Variants in EBF2 observed in about 807,000 individuals in gnomAD.
EBF2 encodes the protein EBF transcription factor 2.
EBF2 carries 21 observed loss-of-function variants against 72.8 expected under a neutral mutation model. The observed-to-expected ratio is 0.29, with a 90% confidence interval of 0.20 to 0.42. EBF2 has a LOEUF of 0.42. EBF2 is among the 10% of genes least tolerant of loss of function. The probability of loss-of-function intolerance (pLI) is 1.00; values close to 1 mark genes in which losing one functional copy is unlikely to be tolerated. For missense variants in EBF2, 637 were observed against 731.2 expected (o/e 0.87, Z 1.49); for synonymous variants, 299 against 274.2 (o/e 1.09, Z -0.89).
chr8:25,923,036 C>G (rs1803331112), intron 6 of EBF2, among the ~76,000 whole-genome samples: 1 of 152,060 alleles, frequency 6.6e-6, no homozygotes, highest in South Asian at 2.1e-4. Context: ...TCAGAGGCCA[C>G]AGAGCCTGTT....
intron 6 of EBF2, chr8:26,032,868 A>T (rs1805432305): frequency 3.6e-6 from 2 of 559,440 alleles, no homozygotes; most frequent in Non-Finnish European, 6.4e-6. Context: ...TGCACCTGGA[A>T]AAGACTCCAC....
In EBF2 at chr8:25,886,790, A is replaced by T; in HGVS notation, c.974T>A (p.Phe325Tyr). ...GAACCTTCCTGGGGCTCCTTTGCAG[A>T]ACTGTTTAGATTTATAAGATAATGT... is the stretch of plus-strand genomic sequence containing the variant. ...EVTLSYKSKQ[F>Y]CKGAPGRFIY... Residue 325 changes from phenylalanine (F) to tyrosine (Y), a missense_variant, in exon 10 of 16, where the codon TTC (phenylalanine) becomes TAC (tyrosine). By Grantham distance (22) the Phe-to-Tyr change is conservative. Transcript: ENST00000520164. 1.2e-6 allele frequency: 2 copies of T among 1,611,920 alleles called. No individual in the cohort carries two copies. The highest frequency in any genetic ancestry group is 2.2e-5 in the South Asian group (2 of 90,450).
In EBF2 at chr8:25,940,590, T is replaced by A. The variant is rs1280328731; in HGVS notation, c.552-32035A>T. Among the ~76,000 whole-genome samples, 12 of 150,068 alleles carry A rather than the reference T, an allele frequency of 8.0e-5. No individual in the cohort carries two copies. The Admixed American group carries it at 8.1e-4, about 10-fold the overall frequency. ...CCTCTGTGATCATTTCCTTCCATCT[T>A]CATTTTACCAAAAAATAAAAATGAA... On this transcript the variant is annotated intron_variant, in intron 6 of 15. Coordinates refer to ENST00000520164, the MANE Select transcript of EBF2 (RefSeq NM_022659.4).
intron 6 of EBF2, among the ~76,000 whole-genome samples, chr8:25,925,534 C>A (rs986659759): frequency 6.6e-6 from 1 of 152,158 alleles, no homozygotes; most frequent in Admixed American, 6.5e-5. Context: ...ATGCTCTCAC[C>A]CCCCAACCCA....
At chr8:25,863,078 A>G (rs972137983) in intron 10 of EBF2, among the ~76,000 whole-genome samples, 3 of 152,072 alleles carry the variant, frequency 2.0e-5, no homozygotes, top group East Asian at 3.8e-4. Context: ...TTAAGCAACC[A>G]TATCTCAATT....
chr8:25,909,391 C>A (rs1308790564), intron 6 of EBF2, among the ~76,000 whole-genome samples: 1 of 141,444 alleles, frequency 7.1e-6, no homozygotes, highest in African/African-American at 2.6e-5. Flanking sequence ...ATTTCACTTG[C>A]AGAGTCCTTT....
chr8:26,010,719 T>A (rs1354964612), intron 6 of EBF2, among the ~76,000 whole-genome samples: 5 of 152,246 alleles, frequency 3.3e-5, no homozygotes, highest in African/African-American at 1.2e-4. Flanking sequence ...GTTATTTATT[T>A]ATTTATGACA....
At chr8:25,865,683 C>T (rs113238003) in intron 10 of EBF2, among the ~76,000 whole-genome samples, 7,947 of 151,480 alleles carry the variant, frequency 0.052, 727 homozygotes, top group African/African-American at 0.18. Context: ...GCCTTGGCCT[C>T]CCAGAGTGCT....
chr8:26,017,154 TA>T (rs760786092), intron 6 of EBF2, among the ~76,000 whole-genome samples: 2,678 of 139,244 alleles, frequency 0.019, 28 homozygotes, highest in African/African-American at 0.036. Context: ...TCCCCTTATT[TA>T]AAAAAAAAAA....
chr8:25,955,737 T>C (rs1208931435), intron 6 of EBF2, among the ~76,000 whole-genome samples: 1 of 151,826 alleles, frequency 6.6e-6, no homozygotes, highest in Non-Finnish European at 1.5e-5. Flanking sequence ...GGGGCACTTG[T>C]CCCTAACTGC....
intron 7 of EBF2, among the ~76,000 whole-genome samples, chr8:25,891,234 G>T (rs535601958): frequency 2.2e-4 from 34 of 152,246 alleles, no homozygotes; most frequent in African/African-American, 7.9e-4. Context: ...CAAAGAGGTG[G>T]ATATCAGCAA....
At chr8:25,999,731 CTCTT>C (rs1448222599) in intron 6 of EBF2, among the ~76,000 whole-genome samples, 4 of 151,368 alleles carry the variant, frequency 2.6e-5, no homozygotes, top group Admixed American at 6.6e-5. Flanking sequence ...CTTCCATTTT[CTCTT>C]TCTATCGTCG....
intron 6 of EBF2, among the ~76,000 whole-genome samples, chr8:25,920,970 C>T (rs1026465297): frequency 1.3e-5 from 2 of 151,942 alleles, no homozygotes; most frequent in African/African-American, 2.4e-5. Flanking sequence ...ATAGAGAAAC[C>T]GAGATGGTAA....
chr8:25,916,095 A>G (rs1803209237), intron 6 of EBF2, among the ~76,000 whole-genome samples: 1 of 151,960 alleles, frequency 6.6e-6, no homozygotes, highest in Admixed American at 6.6e-5. Flanking sequence ...AGACCAGCCT[A>G]GTCAACATGG....
chr8:25,957,580 C>A (rs969446663), intron 6 of EBF2, among the ~76,000 whole-genome samples: 18 of 152,166 alleles, frequency 1.2e-4, no homozygotes, highest in Non-Finnish European at 2.2e-4. Flanking sequence ...TAGAGGGGAC[C>A]AGCCAGGTGC....
At chr8:25,875,010 T>C (rs1364682968) in intron 10 of EBF2, among the ~76,000 whole-genome samples, 5 of 152,072 alleles carry the variant, frequency 3.3e-5, no homozygotes, top group Admixed American at 3.3e-4. Flanking sequence ...CCTGCTTCCT[T>C]GTGACCCCCT....
At position 26,029,910 on chromosome 8, in the gene EBF2, C is replaced by T. The variant is rs561049125; in HGVS notation, c.551+3175G>A. On this transcript the variant is annotated intron_variant, in intron 6 of 15. Coordinates refer to ENST00000520164, the MANE Select transcript of EBF2 (RefSeq NM_022659.4). Reference sequence around the variant, plus strand: ...ACAAATGGAAACCTGACTTTATGCCCTTTTTTTTCTTTTCTTTTCTGAGAC... The same window carrying T: ...ACAAATGGAAACCTGACTTTATGCCTTTTTTTTTCTTTTCTTTTCTGAGAC... 3.9e-5 allele frequency among the ~76,000 whole-genome samples: 6 copies of T among 152,100 alleles called. No individual in the cohort carries two copies. The South Asian group carries it at 1.0e-3, about 26-fold the overall frequency.
rs1265092710 is a variant in EBF2 at position 25,976,394 on chromosome 8, C to CAAACTACATTTTGAACAG, written c.551+56690_551+56691insCTGTTCAAAATGTAGTTT. Among the ~76,000 whole-genome samples, 3 of 152,278 alleles carry CAAACTACATTTTGAACAG rather than the reference C, an allele frequency of 2.0e-5. No homozygotes were observed. The East Asian group carries it at 5.8e-4, about 29-fold the overall frequency. ...AACTTCCATAATATTTTGTAGTCCC[C>CAAACTACATTTTGAACAG]TATAGAACCCAAACTACCATTCACC... On this transcript the variant is annotated intron_variant, in intron 6 of 15. Transcript: ENST00000520164.
intron 7 of EBF2, among the ~76,000 whole-genome samples, chr8:25,890,895 T>C (rs1802766671): frequency 6.6e-6 from 1 of 152,202 alleles, no homozygotes. Context: ...CTGTAATACA[T>C]ATAAAGGATT....
Sources: gnomAD v4.1 joint callset for allele counts (sites outside exome capture counted in the v4.1 genomes callset) on GRCh38, gnomAD v4.1.1 for gene constraint, MANE v1.5 for transcripts, NCBI Gene and HGNC (gene_info 2026-07-23, HGNC 2026-07-21) for gene names.